ECPAS: variants seen among roughly 807,000 people sequenced by gnomAD.
The protein encoded by ECPAS is Ecm29 proteasome adaptor and scaffold.
A neutral mutation model predicts 255.1 loss-of-function variants in ECPAS; 70 were observed. The ratio of observed to expected loss-of-function variants is 0.27; its 90% CI spans 0.23 to 0.33. The LOEUF is 0.33. ECPAS is among the 10% of genes least tolerant of loss of function. The pLI is 1.00. For missense variants in ECPAS, 1,817 were observed against 2,206.4 expected, an observed-to-expected ratio of 0.82 and a Z score of 3.54; for synonymous variants, 784 against 775.0, an observed-to-expected ratio of 1.01 and a Z score of -0.19.
chr9:111,395,645 T>C (rs1382803931), intron 25 of ECPAS, among the ~76,000 whole-genome samples: 1 of 152,148 alleles, frequency 6.6e-6, no homozygotes, highest in Non-Finnish European at 1.5e-5. Flanking sequence ...GCCTCTCTAC[T>C]AACCTCTACT....
intron 2 of ECPAS, among the ~76,000 whole-genome samples, chr9:111,466,789 T>G (rs766708964): frequency 4.6e-5 from 7 of 152,180 alleles, no homozygotes; most frequent in African/African-American, 7.2e-5. Flanking sequence ...CATATGCCAC[T>G]GCACCCAGCT....
Position 111,375,307 on chromosome 9 carries a change from A to G in ECPAS, c.4021-105T>C, listed in dbSNP as rs2098132145. 3.8e-6 allele frequency: 3 copies of G among 781,242 alleles called. No homozygotes were observed. The Admixed American group carries it at 6.0e-5, about 16-fold the overall frequency. 48.4% of individuals were successfully genotyped at this position (781,242 alleles called of 1,614,324 possible). On this transcript the variant is annotated intron_variant, in intron 37 of 49. Transcript: ENST00000684092. ...CAAACGTGTACCAACTGGATTTGAC[A>G]TGAAGTTGAAAAATCACTGCTTGCT... is the stretch of plus-strand genomic sequence containing the variant.
At chr9:111,430,783 A>G (rs1332207967) in intron 8 of ECPAS, among the ~76,000 whole-genome samples, 155 bp from the exon 9 acceptor site, 1 of 152,244 alleles carries the variant, frequency 6.6e-6, no homozygotes, top group Non-Finnish European at 1.5e-5. Context: ...AAGGAAAAGA[A>G]AGGGACTAAT....
At chr9:111,374,742 A>AT (rs1333741224) in intron 38 of ECPAS, among the ~76,000 whole-genome samples, 1 of 152,150 alleles carries the variant, frequency 6.6e-6, no homozygotes, top group Non-Finnish European at 1.5e-5. Context: ...AAACTAGGAC[A>AT]TTTTTCTATT....
At chr9:111,459,151 T>C (rs546614457) in intron 2 of ECPAS, among the ~76,000 whole-genome samples, 1 of 152,344 alleles carries the variant, frequency 6.6e-6, no homozygotes, top group African/African-American at 2.4e-5. Flanking sequence ...CCATATGTTA[T>C]ATAAATATTG....
At chr9:111,469,677 C>T (rs555890165) in intron 2 of ECPAS, among the ~76,000 whole-genome samples, 9 of 151,928 alleles carry the variant, frequency 5.9e-5, no homozygotes, top group Admixed American at 3.9e-4. Flanking sequence ...GGCATGGTGG[C>T]GGGCGCCTGT....
chr9:111,372,892 C>T (rs1255700075), intron 41 of ECPAS, among the ~76,000 whole-genome samples: 8 of 151,970 alleles, frequency 5.3e-5, no homozygotes, highest in African/African-American at 1.5e-4. Context: ...ATTAACCAGG[C>T]GTGGTGGCAC....
At chr9:111,437,210 T>C (rs2098239469) in intron 6 of ECPAS, 102 bp from the exon 7 acceptor site, 1 of 947,810 alleles carries the variant, frequency 1.1e-6, no homozygotes, top group Non-Finnish European at 1.4e-6. Context: ...CTACTGTATT[T>C]TACTAGAAGA....
chr9:111,400,112 A>C (rs923888415), intron 24 of ECPAS, among the ~76,000 whole-genome samples: 37 of 152,350 alleles, frequency 2.4e-4, no homozygotes, highest in African/African-American at 8.7e-4. Flanking sequence ...TTTGCCTGGG[A>C]ACCCAGAGAA....
intron 35 of ECPAS, 68 bp downstream of exon 35, chr9:111,383,143 C>T: frequency 1.3e-6 from 2 of 1,578,018 alleles, no homozygotes; most frequent in Non-Finnish European, 8.7e-7. Flanking sequence ...AGAATCTAAC[C>T]TTGAAAGAAA....
chr9:111,389,437 T>G, intron 31 of ECPAS, 119 bp downstream of exon 31: 1 of 880,576 alleles, frequency 1.1e-6, no homozygotes, highest in Non-Finnish European at 1.6e-6. Context: ...AGACAATTTA[T>G]TTGTTTAAAC....
chr9:111,378,795 A>G, intron 35 of ECPAS, 65 bp from the exon 36 acceptor site: 2 of 1,466,498 alleles, frequency 1.4e-6, no homozygotes, highest in Admixed American at 4.0e-5. Flanking sequence ...TACAAATCTA[A>G]CCATGAGGAT....
chr9:111,394,560 G>A (rs2098164949), intron 25 of ECPAS, among the ~76,000 whole-genome samples: 1 of 152,064 alleles, frequency 6.6e-6, no homozygotes, highest in African/African-American at 2.4e-5. Context: ...TCTCTCTAGT[G>A]TCAGCAATTT....
chr9:111,395,364 T>C (rs1169091994), intron 25 of ECPAS, among the ~76,000 whole-genome samples: 2 of 152,122 alleles, frequency 1.3e-5, no homozygotes, highest in African/African-American at 4.8e-5. Context: ...ATTGGTACAC[T>C]GTAACCAACA....
intron 46 of ECPAS, among the ~76,000 whole-genome samples, chr9:111,366,912 T>C (rs1453479385): frequency 6.6e-6 from 1 of 152,218 alleles, no homozygotes; most frequent in Non-Finnish European, 1.5e-5. Flanking sequence ...TGCAATATAA[T>C]TGTTCACAAA....
At position 111,391,812 on chromosome 9, in the gene ECPAS, T is replaced by A. The variant is rs1589136968; in HGVS notation, c.3105A>T (p.Glu1035Asp). 2 of 1,605,244 alleles carry A rather than the reference T, an allele frequency of 1.2e-6. No homozygotes were observed. Among genetic ancestry groups the A allele is most frequent in the Non-Finnish European group, 8.5e-7 (1 of 1,174,624 alleles). The stretch of plus-strand genomic sequence containing the variant: ...GAAATACCACTGTCTCTCCAGAAAC[T>A]TCATGTTTAACTCTAAACCAAAACA... Reference protein sequence around the residue: ...TLMTGKRVKHEVSGETVVFQG... With the variant: ...TLMTGKRVKHDVSGETVVFQG... The change falls in exon 29 of 50, where the codon GAA (glutamate) becomes GAT (aspartate). Residue 1035 changes from glutamate (E) to aspartate (D), a missense_variant. Glu to Asp is a conservative substitution (Grantham distance 45, BLOSUM62 2). This residue lies in a region of ECPAS where 960 missense variants were observed against 1,179.0 expected (regional missense o/e 0.81). Coordinates refer to ENST00000684092, the MANE Select transcript of ECPAS (RefSeq NM_001364929.1).
chr9:111,376,462 T>C lies in ECPAS; in HGVS notation c.4020+14A>G, dbSNP rs2098133457. On this transcript the variant is annotated intron_variant, in intron 37 of 49. Transcript: ENST00000684092. ...AAGCAAACAAACCCTCTCATTATTA[T>C]TTAAGACACTCACCATGTTGATTGT... 1 of 1,573,972 alleles carries C rather than the reference T, an allele frequency of 6.4e-7. No homozygotes were observed. Among genetic ancestry groups the C allele is most frequent in the Non-Finnish European group, 8.6e-7 (1 of 1,156,156 alleles).
chr9:111,439,894 C>A lies in ECPAS; in HGVS notation c.539+478G>T, dbSNP rs2098243419. On this transcript the variant is annotated intron_variant, in intron 6 of 49. Coordinates refer to ENST00000684092, the MANE Select transcript of ECPAS (RefSeq NM_001364929.1). ...TGATAGCAGTGGGAAGAGTTCCAGACACAGCAAGGAGAAGGAAGGAGGCAT... is the reference window on the plus strand; with the variant it reads ...TGATAGCAGTGGGAAGAGTTCCAGAAACAGCAAGGAGAAGGAAGGAGGCAT... Among the ~76,000 whole-genome samples the A allele has an allele frequency of 1.3e-5, 2 of 151,766 alleles. 1 individual carries two copies. Among genetic ancestry groups the A allele is most frequent in the South Asian group, 4.2e-4 (2 of 4,814 alleles).
Position 111,412,005 on chromosome 9 carries a change from A to G in ECPAS, c.2214+9T>C. The stretch of plus-strand genomic sequence containing the variant: ...TCCCACAAAAAAGAATGAAAACAAA[A>G]TAACATACGTGATTGTCTTTTGTAG... On this transcript the variant is annotated intron_variant, in intron 21 of 49. Coordinates refer to ENST00000684092, the MANE Select transcript of ECPAS (RefSeq NM_001364929.1). 2 of 1,534,322 alleles carry G rather than the reference A, an allele frequency of 1.3e-6. No homozygotes were observed. Among genetic ancestry groups the G allele is most frequent in the Non-Finnish European group, 1.7e-6 (2 of 1,149,794 alleles).
Sources: allele counts gnomAD v4.1 joint callset (sites outside exome capture counted in the v4.1 genomes callset), GRCh38; gene constraint gnomAD v4.1.1; regional missense constraint gnomAD v4.1.1; transcripts MANE v1.5; gene names NCBI Gene and HGNC (gene_info 2026-07-23, HGNC 2026-07-21).